The following ST8SIA4 variants were observed in gnomAD, a reference collection of about 807,000 sequenced individuals.
The protein encoded by ST8SIA4 is CMP-N-acetylneuraminate-poly-alpha-2,8-sialyltransferase.
A neutral mutation model predicts 33.9 loss-of-function variants in ST8SIA4; 15 were observed. The observed-to-expected ratio is 0.44, with a 90% CI of 0.30 to 0.68. The LOEUF (loss-of-function observed/expected upper bound fraction) is 0.68, where lower values mean the gene tolerates loss of function less well. ST8SIA4 is among the 30% of genes least tolerant of loss of function. The pLI is 0.10. For synonymous variants in ST8SIA4, 171 were observed against 151.2 expected (o/e 1.13, Z -0.96); for missense variants, 321 against 428.0 (o/e 0.75, Z 2.21).
At chr5:100,837,503 T>C (rs1751387351) in intron 4 of ST8SIA4, among the ~76,000 whole-genome samples, 1 of 152,014 alleles carries the variant, frequency 6.6e-6, no homozygotes, top group African/African-American at 2.4e-5. Flanking sequence ...AGCTGCAGTT[T>C]TCTTCACCCA....
intron 4 of ST8SIA4, among the ~76,000 whole-genome samples, chr5:100,839,443 T>A (rs1291998600): frequency 1.3e-5 from 2 of 152,022 alleles, no homozygotes; most frequent in African/African-American, 4.8e-5. Flanking sequence ...TTATGTTCTC[T>A]TTGTTAAATT....
chr5:100,866,255 C>T (rs192505555), intron 3 of ST8SIA4, among the ~76,000 whole-genome samples: 2 of 152,124 alleles, frequency 1.3e-5, no homozygotes, highest in East Asian at 1.9e-4. Context: ...TTAAACATAT[C>T]TATTTTCTCT....
intron 4 of ST8SIA4, among the ~76,000 whole-genome samples, chr5:100,839,235 G>A (rs1395182986): frequency 1.3e-5 from 2 of 151,910 alleles, no homozygotes; most frequent in South Asian, 4.1e-4. Context: ...ATATTGCAAG[G>A]TTTCATATCT....
intron 4 of ST8SIA4, among the ~76,000 whole-genome samples, chr5:100,825,809 C>G (rs1751130312): frequency 6.6e-6 from 1 of 152,134 alleles, no homozygotes; most frequent in Non-Finnish European, 1.5e-5. Flanking sequence ...TCATTATTTA[C>G]CTAACCTGTA....
intron 3 of ST8SIA4, among the ~76,000 whole-genome samples, chr5:100,859,379 G>A (rs1204601255): frequency 6.6e-6 from 1 of 152,060 alleles, no homozygotes; most frequent in Non-Finnish European, 1.5e-5. Flanking sequence ...ACTTTGGTGA[G>A]TCAAAATTGT....
At chr5:100,874,375 T>G (rs963520807) in intron 3 of ST8SIA4, among the ~76,000 whole-genome samples, 1 of 152,124 alleles carries the variant, frequency 6.6e-6, no homozygotes, top group African/African-American at 2.4e-5. Flanking sequence ...AAACTAAATA[T>G]AGAAAAGCTA....
intron 4 of ST8SIA4, among the ~76,000 whole-genome samples, chr5:100,846,286 T>C (rs1254096329): frequency 6.6e-6 from 1 of 151,958 alleles, no homozygotes; most frequent in Non-Finnish European, 1.5e-5. Flanking sequence ...TCTAGAGAAC[T>C]AACTGAACCA....
chr5:100,873,756 T>C (rs1752248403), intron 3 of ST8SIA4, among the ~76,000 whole-genome samples: 1 of 152,170 alleles, frequency 6.6e-6, no homozygotes, highest in Non-Finnish European at 1.5e-5. Flanking sequence ...AAGAGGAGAC[T>C]AGGAGCGATG....
intron 3 of ST8SIA4, among the ~76,000 whole-genome samples, chr5:100,877,544 G>A (rs1458878330): frequency 6.6e-6 from 1 of 152,154 alleles, no homozygotes; most frequent in African/African-American, 2.4e-5. Context: ...TGAAGATCTC[G>A]TGTCCACAAT....
chr5:100,825,650 C>A (rs1751125945), intron 4 of ST8SIA4, among the ~76,000 whole-genome samples: 1 of 152,318 alleles, frequency 6.6e-6, no homozygotes, highest in Admixed American at 6.5e-5. Context: ...AGGACCATAA[C>A]TGAACTCTGG....
intron 4 of ST8SIA4, chr5:100,849,399 AGT>A: frequency 1.0e-6 from 1 of 985,406 alleles, no homozygotes; most frequent in East Asian, 1.1e-4. Context: ...TCTCTACGTC[AGT>A]GTTCTTAGTT....
chr5:100,811,907 T>C lies in ST8SIA4; in HGVS notation c.1020A>G (p.Leu340=), dbSNP rs1187238712. 4 of 1,614,150 alleles carry C rather than the reference T, an allele frequency of 2.5e-6. No individual in the cohort carries two copies. The highest frequency in any genetic ancestry group is 2.7e-5 in the African/African-American group (2 of 75,068). ...GAGCTCCTCTATTATGTAGCACATT[T>C]AATGTTTTGAATTCTAATGGCATTC... ...PHRMPLEFKT[L]NVLHNRGALK... Residue 340 remains leucine (L), a synonymous_variant, in exon 5 of 5, where the codon TTA becomes TTG. Coordinates refer to ENST00000231461, the MANE Select transcript of ST8SIA4 (RefSeq NM_005668.6).
rs1196425754 is a variant in ST8SIA4, at chr5:100,900,782, G to T, written c.113+2061C>A. 6.4e-5 allele frequency among the ~76,000 whole-genome samples: 9 copies of T among 141,148 alleles called. No individual in the cohort carries two copies. In the East Asian group the frequency reaches 1.7e-3, roughly 26 times the overall value. The allele number at this position is 141,148 out of a possible 152,430, so 92.6% of individuals were successfully genotyped here. ...GGGTGGGGGGTGGGGGTGGGGTGGG[G>T]GTGGAAGGAGGGGAGGGACCAAAAG... is the stretch of plus-strand genomic sequence containing the variant. On this transcript the variant is annotated intron_variant, in intron 1 of 4. Transcript: ENST00000231461.
chr5:100,880,056 T>C (rs1314284194), intron 3 of ST8SIA4, among the ~76,000 whole-genome samples: 3 of 152,104 alleles, frequency 2.0e-5, no homozygotes, highest in African/African-American at 4.8e-5. Context: ...AAGACCATGA[T>C]AGAACACTTT....
chr5:100,895,846 A>G lies in ST8SIA4; in HGVS notation c.114-61T>C, dbSNP rs568300554. On this transcript the variant is annotated intron_variant, in intron 1 of 4. Coordinates refer to ENST00000231461, the MANE Select transcript of ST8SIA4 (RefSeq NM_005668.6). ...AAGAAACATTTTGTGTATACAGCAC[A>G]GTACATAATTTGAATTAATTACTGG... 2.0e-5 allele frequency: 31 copies of G among 1,540,170 alleles called. No individual in the cohort carries two copies. The African/African-American group carries it at 4.1e-4, about 21-fold the overall frequency.
intron 3 of ST8SIA4, among the ~76,000 whole-genome samples, chr5:100,878,151 A>T (rs1467588269): frequency 6.6e-6 from 1 of 152,062 alleles, no homozygotes; most frequent in Non-Finnish European, 1.5e-5. Context: ...GCCTCTTCAC[A>T]AGAAGTGACA....
At chr5:100,855,051 C>A (rs1751785287) in intron 4 of ST8SIA4, among the ~76,000 whole-genome samples, 1 of 152,190 alleles carries the variant, frequency 6.6e-6, no homozygotes, top group Admixed American at 6.5e-5. Context: ...TCAACCACAT[C>A]CCAAGTTACT....
At chr5:100,851,134 A>AT in intron 4 of ST8SIA4, among the ~76,000 whole-genome samples, 2 of 150,534 alleles carry the variant, frequency 1.3e-5, no homozygotes, top group South Asian at 4.2e-4. Context: ...TAATTTTTGT[A>AT]TTTTTTATTA....
chr5:100,870,495 A>C (rs1484416885), intron 3 of ST8SIA4, among the ~76,000 whole-genome samples: 1 of 152,206 alleles, frequency 6.6e-6, no homozygotes, highest in African/African-American at 2.4e-5. Flanking sequence ...GAGAGTGCCA[A>C]CATCAATGTA....
Sources: gnomAD v4.1 joint callset for allele counts (sites outside exome capture counted in the v4.1 genomes callset) on GRCh38, gnomAD v4.1.1 for gene constraint, MANE v1.5 for transcripts, NCBI Gene and HGNC (gene_info 2026-07-23, HGNC 2026-07-21) for gene names.